The following WASF1 variants were observed in gnomAD, a reference collection of about 807,000 sequenced individuals.
WASF1 encodes WASP family member 1.
A neutral mutation model predicts 50.5 loss-of-function variants in WASF1; 7 were observed. The observed-to-expected ratio is 0.14, with a 90% CI of 0.08 to 0.26. The LOEUF (loss-of-function observed/expected upper bound fraction) is 0.26, where lower values mean the gene tolerates loss of function less well. Ranked by LOEUF, WASF1 falls within the 10% of genes least tolerant of loss-of-function variation. WASF1 has a pLI of 1.00. For missense variants in WASF1, 470 were observed against 694.7 expected (o/e 0.68, Z 3.64); for synonymous variants, 205 against 244.0 (o/e 0.84, Z 1.49).
chr6:110,113,550 T>C, intron 4 of WASF1, 90 bp from the exon 5 acceptor site: 2 of 1,196,800 alleles, frequency 1.7e-6, no homozygotes, highest in Non-Finnish European at 2.3e-6. Flanking sequence ...AGCATGATAT[T>C]TGCCCTCAGA....
intron 4 of WASF1, among the ~76,000 whole-genome samples, chr6:110,115,286 C>A (rs1033267304): frequency 6.6e-6 from 1 of 151,346 alleles, no homozygotes; most frequent in Non-Finnish European, 1.5e-5. Flanking sequence ...GGAAGGGACA[C>A]ACTAACTCTA....
chr6:110,144,975 G>T (rs1378118099), intron 3 of WASF1, among the ~76,000 whole-genome samples: 4 of 152,102 alleles, frequency 2.6e-5, no homozygotes, highest in Non-Finnish European at 5.9e-5. Flanking sequence ...CTTTAAAGTA[G>T]TTTTTTCCAA....
intron 2 of WASF1, among the ~76,000 whole-genome samples, chr6:110,166,107 C>T (rs990266021): frequency 9.9e-5 from 15 of 151,150 alleles, no homozygotes; most frequent in African/African-American, 3.6e-4. Context: ...AGCCAAAATA[C>T]GATAAGCCAT....
chr6:110,174,096 G>C (rs1369901039), intron 2 of WASF1, among the ~76,000 whole-genome samples: 1 of 152,046 alleles, frequency 6.6e-6, no homozygotes, highest in Non-Finnish European at 1.5e-5. Flanking sequence ...TCTGGCTTCT[G>C]TTTACCTCTG....
chr6:110,108,786 A>G, intron 5 of WASF1, 105 bp from the exon 6 acceptor site: 1 of 1,089,612 alleles, frequency 9.2e-7, no homozygotes, highest in Non-Finnish European at 1.3e-6. Flanking sequence ...ATGGCTCAAG[A>G]GGTTGTGACC....
At chr6:110,160,939 T>C (rs1776237509) in intron 2 of WASF1, among the ~76,000 whole-genome samples, 1 of 151,530 alleles carries the variant, frequency 6.6e-6, no homozygotes, top group African/African-American at 2.4e-5. Flanking sequence ...TTCTACCAAT[T>C]ATGAATTTGA....
chr6:110,145,225 T>C (rs201723349), intron 3 of WASF1, among the ~76,000 whole-genome samples: 4 of 151,618 alleles, frequency 2.6e-5, no homozygotes, highest in South Asian at 2.1e-4. Flanking sequence ...GAAGCAATTG[T>C]GAATGGGAGT....
At chr6:110,120,216 G>C (rs1472898848) in intron 4 of WASF1, among the ~76,000 whole-genome samples, 2 of 152,132 alleles carry the variant, frequency 1.3e-5, no homozygotes, top group African/African-American at 2.4e-5. Context: ...AAGAAATAAA[G>C]GGTATTCAAT....
At chr6:110,131,575 T>G (rs1338507907) in intron 3 of WASF1, among the ~76,000 whole-genome samples, 2 of 152,184 alleles carry the variant, frequency 1.3e-5, no homozygotes, top group Non-Finnish European at 2.9e-5. Flanking sequence ...TAGTGTAATC[T>G]TGGTTCACTG....
At chr6:110,110,830 T>A (rs1005404808) in intron 5 of WASF1, among the ~76,000 whole-genome samples, 1 of 152,060 alleles carries the variant, frequency 6.6e-6, no homozygotes, top group African/African-American at 2.4e-5. Flanking sequence ...GTTTTTTTTT[T>A]AATTCCCACT....
intron 5 of WASF1, among the ~76,000 whole-genome samples, chr6:110,111,421 A>G (rs568746498): frequency 6.6e-6 from 1 of 152,294 alleles, no homozygotes; most frequent in African/African-American, 2.4e-5. Context: ...CATATATTTG[A>G]TAAAGGATTT....
chr6:110,165,650 CT>C (rs920839850), intron 2 of WASF1, among the ~76,000 whole-genome samples: 1 of 151,644 alleles, frequency 6.6e-6, no homozygotes, highest in South Asian at 2.1e-4. Context: ...AATACTTTTT[CT>C]TTTTTTATAA....
intron 4 of WASF1, among the ~76,000 whole-genome samples, chr6:110,115,591 G>A (rs1773769057): frequency 6.6e-6 from 1 of 152,174 alleles, no homozygotes; most frequent in South Asian, 2.1e-4. Context: ...TGGTCCACTT[G>A]CCCGCAAACA....
chr6:110,124,191 GTCTC>G (rs759865889), intron 4 of WASF1, among the ~76,000 whole-genome samples: 3,413 of 90,998 alleles, frequency 0.038, 183 homozygotes, highest in Non-Finnish European at 0.06. Flanking sequence ...CCCCATCAGC[GTCTC>G]TCTCTCTCTC....
intron 4 of WASF1, among the ~76,000 whole-genome samples, chr6:110,118,685 C>T (rs900010101): frequency 1.3e-5 from 2 of 152,142 alleles, no homozygotes; most frequent in Non-Finnish European, 2.9e-5. Context: ...AGCTCTGGAC[C>T]AAGCAGACCT....
intron 5 of WASF1, among the ~76,000 whole-genome samples, chr6:110,110,111 A>G (rs903975025): frequency 8.5e-5 from 13 of 152,242 alleles, no homozygotes; most frequent in South Asian, 8.3e-4. Context: ...CTGGAGATAC[A>G]GTATTTAATG....
chr6:110,107,921 CT>C (rs2114462653), intron 6 of WASF1, among the ~76,000 whole-genome samples: 1 of 152,116 alleles, frequency 6.6e-6, no homozygotes, highest in Non-Finnish European at 1.5e-5. Flanking sequence ...AATCCCAGCA[CT>C]TTGAGAGGCC....
At chr6:110,141,370 T>C (rs75370579) in intron 3 of WASF1, among the ~76,000 whole-genome samples, 4,237 of 152,246 alleles carry the variant, frequency 0.028, 93 homozygotes, top group East Asian at 0.12. Context: ...CTGCCTGGGA[T>C]GTATTTCACT....
At chr6:110,152,909 C>G (rs1584009572) in intron 3 of WASF1, among the ~76,000 whole-genome samples, 1 of 152,062 alleles carries the variant, frequency 6.6e-6, no homozygotes, top group Non-Finnish European at 1.5e-5. Context: ...TCCCTTCCTC[C>G]CCTCATGTTT....
Sources: gnomAD v4.1 joint callset for allele counts (sites outside exome capture counted in the v4.1 genomes callset) on GRCh38, gnomAD v4.1.1 for gene constraint, MANE v1.5 for transcripts, NCBI Gene and HGNC (gene_info 2026-07-23, HGNC 2026-07-21) for gene names.